The following CACNA1C variants were observed in gnomAD, a reference collection of about 807,000 sequenced individuals.
The protein encoded by CACNA1C is voltage-dependent L-type calcium channel subunit alpha-1C.
A neutral mutation model predicts 229.0 loss-of-function variants in CACNA1C; 30 were observed. The ratio of observed to expected loss-of-function variants is 0.13; its 90% CI spans 0.10 to 0.18. CACNA1C has a LOEUF of 0.18. Ranked by LOEUF, CACNA1C falls within the 10% of genes least tolerant of loss-of-function variation. CACNA1C has a pLI of 1.00. For synonymous variants in CACNA1C, 1,114 were observed against 1,132.5 expected, an observed-to-expected ratio of 0.98 and a Z score of 0.33; for missense variants, 1,658 against 2,845.0, an observed-to-expected ratio of 0.58 and a Z score of 9.49.
rs940750936 is a variant in CACNA1C at position 2,275,823 on chromosome 12, C to G, written c.477+155393C>G. 2.0e-5 allele frequency among the ~76,000 whole-genome samples: 3 copies of G among 150,676 alleles called. No homozygotes were observed. Among genetic ancestry groups the G allele is most frequent in the African/African-American group, 7.5e-5 (3 of 40,056 alleles). On this transcript the variant is annotated intron_variant, in intron 3 of 46. Transcript: ENST00000399655. This position sits in a 1 kb window ranked among gnomAD's most constrained non-coding sequence, Gnocchi z 4.1. ...CGGGTGGATGTTCAGCAGCAGGCCC[C>G]CTCTGTTCTTTGGTGAAGCTTGTCT...
In CACNA1C at chr12:2,677,611, C is replaced by A; in HGVS notation, c.4957-122C>A. Reference sequence around the variant, plus strand: ...CACACACACAAACCTTCCGGAGGGTCGACTGGCTGGGTGGAGGATGCCAGG... The same window carrying A: ...CACACACACAAACCTTCCGGAGGGTAGACTGGCTGGGTGGAGGATGCCAGG... On this transcript the variant is annotated intron_variant, in intron 40 of 46. Transcript: ENST00000399655. The surrounding 1 kb of genome is among the most constrained non-coding windows in gnomAD (Gnocchi z 7.4). The A allele has an allele frequency of 8.8e-7, 1 of 1,135,974 alleles. No homozygotes were observed. Among genetic ancestry groups the A allele is most frequent in the East Asian group, 2.6e-5 (1 of 38,728 alleles). The allele number at this position is 1,135,974 out of a possible 1,614,324, so 70.4% of individuals were successfully genotyped here. A position where few individuals can be genotyped will look rare whatever the true frequency, so the allele number is the denominator to read the frequency against.
At chr12:2,587,086 A>G in intron 18 of CACNA1C, among the ~76,000 whole-genome samples, 1 of 152,222 alleles carries the variant, frequency 6.6e-6, no homozygotes, top group South Asian at 2.1e-4. Flanking sequence ...GAACTAAATG[A>G]TTGAAAGTAG....
chr12:2,519,608 C>T (rs555867690), intron 9 of CACNA1C, among the ~76,000 whole-genome samples: 4 of 152,180 alleles, frequency 2.6e-5, no homozygotes, highest in Non-Finnish European at 4.4e-5. Flanking sequence ...ATTGAAGTGC[C>T]GTGGGAAAGC....
intron 3 of CACNA1C, among the ~76,000 whole-genome samples, chr12:2,229,655 T>A (rs535519402): frequency 2.4e-4 from 37 of 152,286 alleles, no homozygotes; most frequent in African/African-American, 8.9e-4. Flanking sequence ...AGGGGATGCC[T>A]GAGCACCATC....
intron 1 of CACNA1C, among the ~76,000 whole-genome samples, chr12:2,066,567 G>A (rs776466819): frequency 3.0e-4 from 45 of 152,094 alleles, no homozygotes; most frequent in Non-Finnish European, 4.3e-4. Flanking sequence ...CTGTTGTCCC[G>A]CCGAACTGTG....
At chr12:2,411,862 G>A (rs2098810956) in intron 3 of CACNA1C, among the ~76,000 whole-genome samples, 1 of 152,236 alleles carries the variant, frequency 6.6e-6, no homozygotes, top group Non-Finnish European at 1.5e-5. Context: ...GCAGATGTCT[G>A]CTTCCTTTCA....
At chr12:2,177,528 T>C (rs1295198372) in intron 3 of CACNA1C, among the ~76,000 whole-genome samples, 1 of 144,938 alleles carries the variant, frequency 6.9e-6, no homozygotes, top group Non-Finnish European at 1.5e-5. Context: ...TTCCTTCCTC[T>C]CCTCTCCCTT....
At position 2,605,831 on chromosome 12, in the gene CACNA1C, C is replaced by G. The variant is rs1401813745; in HGVS notation, c.3156+45C>G. 5 of 1,277,464 alleles carry G rather than the reference C, an allele frequency of 3.9e-6. No individual in the cohort carries two copies. In the East Asian group the frequency reaches 1.2e-4, roughly 30 times the overall value. 79.1% of individuals were successfully genotyped at this position (1,277,464 alleles called of 1,614,324 possible). A position where few individuals can be genotyped will look rare whatever the true frequency, so the allele number is the denominator to read the frequency against. On this transcript the variant is annotated intron_variant, in intron 24 of 46. Transcript: ENST00000399655. The surrounding 1 kb of genome is among the most constrained non-coding windows in gnomAD (Gnocchi z 6.2). Reference sequence around the variant, plus strand: ...GTGGTCCTCCTACCTCCCCTCCCATCAGCATTCCTGGGGAAGGGAACTGGC... The same window carrying G: ...GTGGTCCTCCTACCTCCCCTCCCATGAGCATTCCTGGGGAAGGGAACTGGC...
chr12:2,222,110 T>C (rs1227450296), intron 3 of CACNA1C: 1 of 152,224 alleles, frequency 6.6e-6, no homozygotes, highest in Non-Finnish European at 1.5e-5. Context: ...TCATTCTCTA[T>C]TTATGATTCT....
rs563090568 is a variant in CACNA1C, at chr12:2,668,968, C to T, written c.4659C>T (p.Asp1553=). Residue 1553 remains aspartate, a synonymous_variant, in exon 38 of 47, where the codon GAC becomes GAT. Coordinates refer to ENST00000399655, the MANE Select transcript of CACNA1C (RefSeq NM_000719.7). ...LVSMNMPLNS[D]GTVMFNATLF... ...CCATGAACATGCCTCTGAACAGCGA[C>T]GGGACAGTCATGTTCAATGCCACCC... 73 of 1,614,096 alleles carry T rather than the reference C, an allele frequency of 4.5e-5. No homozygotes were observed. In the East Asian group the frequency reaches 9.4e-4, roughly 21 times the overall value.
chr12:2,414,950 C>T (rs1366209755), intron 3 of CACNA1C, among the ~76,000 whole-genome samples: 3 of 152,254 alleles, frequency 2.0e-5, no homozygotes, highest in East Asian at 1.9e-4. Flanking sequence ...CAGGGCTTAC[C>T]GCCTCCTGGA....
In CACNA1C at chr12:2,021,508, G is replaced by A. The variant is rs184466317; in HGVS notation, c.139+50307G>A. Among the ~76,000 whole-genome samples, 41 of 152,128 alleles carry A rather than the reference G, an allele frequency of 2.7e-4. No homozygotes were observed. The South Asian group carries it at 3.5e-3, about 13-fold the overall frequency. On this transcript the variant is annotated intron_variant, in intron 1 of 46. Coordinates refer to the CACNA1C transcript ENST00000682462. ...AGCCTGGCCAACATGGTGAAACCCC[G>A]TCTCTACTAAAAATACTAAAAATAA... is the stretch of plus-strand genomic sequence containing the variant.
At chr12:2,245,433 A>G (rs2072704496) in intron 3 of CACNA1C, among the ~76,000 whole-genome samples, 1 of 152,228 alleles carries the variant, frequency 6.6e-6, no homozygotes, top group South Asian at 2.1e-4. Flanking sequence ...CAGGTGCTTT[A>G]TAATAAACCT....
At chr12:2,289,897 A>C (rs551612801) in intron 3 of CACNA1C, among the ~76,000 whole-genome samples, 6 of 152,208 alleles carry the variant, frequency 3.9e-5, no homozygotes, top group Non-Finnish European at 7.3e-5. Context: ...GAATCACTGA[A>C]TATTTGCACT....
chr12:2,276,181 A>G (rs1317649092), intron 3 of CACNA1C, among the ~76,000 whole-genome samples: 2 of 152,134 alleles, frequency 1.3e-5, no homozygotes, highest in African/African-American at 4.8e-5. Flanking sequence ...GACCTAACAC[A>G]TAGGCAAGGA....
At chr12:2,071,856 TG>T (rs1314367858) in intron 1 of CACNA1C, among the ~76,000 whole-genome samples, 2 of 152,220 alleles carry the variant, frequency 1.3e-5, no homozygotes, top group African/African-American at 2.4e-5. Context: ...ATTTCCATTG[TG>T]AATGATTTCA....
intron 3 of CACNA1C, among the ~76,000 whole-genome samples, chr12:2,359,579 T>G (rs2097498724): frequency 6.6e-6 from 1 of 151,658 alleles, no homozygotes; most frequent in African/African-American, 2.4e-5. Context: ...CACAAACTGT[T>G]CAAGGGAAGA....
intron 3 of CACNA1C, among the ~76,000 whole-genome samples, chr12:2,159,164 C>T (rs2095705123): frequency 6.6e-6 from 1 of 151,912 alleles, no homozygotes; most frequent in Non-Finnish European, 1.5e-5. Context: ...GATTTTTTTT[C>T]TTCAATGAAC....
In CACNA1C at chr12:2,106,207, C is replaced by T. The variant is rs1565717078; in HGVS notation, c.50-9017C>T. Among the ~76,000 whole-genome samples the T allele has an allele frequency of 3.6e-5, 2 of 54,864 alleles. 1 individual carries two copies. The highest frequency in any genetic ancestry group is 3.7e-4 in the Admixed American group (2 of 5,408). The allele number at this position is 54,864 out of a possible 152,430, so 36.0% of individuals were successfully genotyped here. On this transcript the variant is annotated intron_variant, in intron 1 of 46. Transcript: ENST00000399655. The stretch of plus-strand genomic sequence containing the variant: ...ACCTCAGCTGGGCGTCCTGAAGCCA[C>T]TGGGTGCCCACCCCGGAGAGGGTTT...
Sources: allele counts gnomAD v4.1 joint callset (sites outside exome capture counted in the v4.1 genomes callset), GRCh38; gene constraint gnomAD v4.1.1; non-coding constraint Gnocchi (gnomAD v3.1); transcripts MANE v1.5; gene names NCBI Gene and HGNC (gene_info 2026-07-23, HGNC 2026-07-21).